The following GRIA1 variants were observed in gnomAD, a reference collection of about 807,000 sequenced individuals.
GRIA1 encodes the protein glutamate receptor 1.
In GRIA1, 31 loss-of-function variants were observed where a neutral mutation model predicts 99.2. The ratio of observed to expected loss-of-function variants is 0.31; its 90% confidence interval spans 0.23 to 0.42. The LOEUF is 0.42. Ranked by LOEUF, GRIA1 falls within the 10% of genes least tolerant of loss-of-function variation. The pLI, the probability that GRIA1 is intolerant of heterozygous loss-of-function variation, is 1.00. For synonymous variants in GRIA1, 438 were observed against 432.4 expected, an observed-to-expected ratio of 1.01 and a Z score of -0.16; for missense variants, 782 against 1,157.5, an observed-to-expected ratio of 0.68 and a Z score of 4.71.
intron 13 of GRIA1, among the ~76,000 whole-genome samples, chr5:153,770,779 G>A (rs570870979): frequency 1.9e-4 from 29 of 152,302 alleles, no homozygotes; most frequent in African/African-American, 7.0e-4. Flanking sequence ...GAGTTCTCCA[G>A]CAACCTGAAT....
chr5:153,770,067 T>C (rs1763770555), intron 12 of GRIA1, 101 bp from the exon 13 acceptor site: 3 of 1,187,142 alleles, frequency 2.5e-6, no homozygotes, highest in African/African-American at 1.5e-5. Context: ...CTAATCTCGC[T>C]CATGAATGTG....
At chr5:153,753,740 A>T (rs1291716722) in intron 11 of GRIA1, among the ~76,000 whole-genome samples, 5 of 150,960 alleles carry the variant, frequency 3.3e-5, no homozygotes, top group Non-Finnish European at 7.4e-5. Flanking sequence ...GGGGTTTGGG[A>T]AAAGCCATGC....
chr5:153,629,854 T>C (rs1001167239), intron 2 of GRIA1, among the ~76,000 whole-genome samples: 7 of 152,228 alleles, frequency 4.6e-5, no homozygotes, highest in African/African-American at 7.2e-5. Context: ...TTTCATCGCA[T>C]TGGAATGACC....
chr5:153,598,019 A>G (rs1764574071), intron 2 of GRIA1, among the ~76,000 whole-genome samples: 1 of 152,172 alleles, frequency 6.6e-6, no homozygotes, highest in African/African-American at 2.4e-5. Context: ...CTCAAAAAGA[A>G]GAAGATCACA....
At position 153,779,970 on chromosome 5, in the gene GRIA1, G is replaced by A. The variant is rs578055187; in HGVS notation, c.2270+9555G>A. Among the ~76,000 whole-genome samples the A allele has an allele frequency of 9.8e-4, 149 of 152,164 alleles. 1 individual carries two copies. The highest frequency in any genetic ancestry group is 3.4e-4 in the Non-Finnish European group (23 of 68,044). On this transcript the variant is annotated intron_variant, in intron 13 of 15. Transcript: ENST00000285900. ...AGCGAGGTGGCAGGGATGTATCTGG[G>A]AAGATAAATAAGGGAAATGAATGGC...
At chr5:153,795,819 G>A (rs572825802) in intron 14 of GRIA1, among the ~76,000 whole-genome samples, 36 of 152,090 alleles carry the variant, frequency 2.4e-4, no homozygotes, top group African/African-American at 8.4e-4. Context: ...ATTATCCACT[G>A]TGTTCTGAAA....
intron 7 of GRIA1, among the ~76,000 whole-genome samples, chr5:153,679,086 C>A (rs568318178): frequency 1.3e-5 from 2 of 152,196 alleles, no homozygotes; most frequent in Admixed American, 6.5e-5. Flanking sequence ...GTCAAAAGAA[C>A]AATGACCTCT....
chr5:153,547,485 C>T (rs13163026), intron 2 of GRIA1, among the ~76,000 whole-genome samples: 1 of 152,192 alleles, frequency 6.6e-6, no homozygotes, highest in Non-Finnish European at 1.5e-5. Flanking sequence ...AATCAACAAC[C>T]TTCTACCCTT....
chr5:153,800,415 T>C lies in GRIA1; in HGVS notation c.2386-1941T>C, dbSNP rs555986323. Among the ~76,000 whole-genome samples, 320 of 152,266 alleles carry C rather than the reference T, an allele frequency of 2.1e-3. 3 individuals are homozygous for C. The highest frequency in any genetic ancestry group is 4.1e-3 in the Non-Finnish European group (278 of 68,006). ...TGAGTGTTCTAAAAATCATGTGAAG[T>C]GGGAATTTACCTGTTCAGCCAACTC... On this transcript the variant is annotated intron_variant, in intron 14 of 15. Transcript: ENST00000285900.
chr5:153,739,224 G>A (rs1026497699), intron 11 of GRIA1, among the ~76,000 whole-genome samples: 1 of 151,970 alleles, frequency 6.6e-6, no homozygotes, highest in Non-Finnish European at 1.5e-5. Context: ...GGATCTCATT[G>A]TATCACCTCT....
chr5:153,618,787 A>C (rs904552212), intron 2 of GRIA1, among the ~76,000 whole-genome samples: 59 of 152,242 alleles, frequency 3.9e-4, no homozygotes, highest in African/African-American at 1.4e-3. Flanking sequence ...TACAGTGCCT[A>C]GGTCTGCAAG....
chr5:153,490,578 G>A, upstream of GRIA1: 1 of 452,680 alleles, frequency 2.2e-6, no homozygotes, highest in Non-Finnish European at 4.0e-6. Context: ...GAGCAAGGGA[G>A]GGAGAGAGAG....
intron 10 of GRIA1, among the ~76,000 whole-genome samples, chr5:153,699,904 G>C (rs1478528047): frequency 1.3e-5 from 2 of 152,136 alleles, no homozygotes; most frequent in Non-Finnish European, 2.9e-5. Flanking sequence ...TTGATCTTTT[G>C]CTTAATACTT....
At chr5:153,786,826 G>A (rs1179253102) in intron 13 of GRIA1, among the ~76,000 whole-genome samples, 2 of 152,198 alleles carry the variant, frequency 1.3e-5, no homozygotes, top group African/African-American at 4.8e-5. Flanking sequence ...ACAGCAAGAA[G>A]CAAGCACACA....
At chr5:153,746,795 T>A (rs1762190935) in intron 11 of GRIA1, among the ~76,000 whole-genome samples, 1 of 152,140 alleles carries the variant, frequency 6.6e-6, no homozygotes, top group African/African-American at 2.4e-5. Flanking sequence ...TGGGAGGAAG[T>A]CCCATTTATA....
chr5:153,569,521 G>A (rs1761928725), intron 2 of GRIA1, among the ~76,000 whole-genome samples: 1 of 152,236 alleles, frequency 6.6e-6, no homozygotes, highest in South Asian at 2.1e-4. Flanking sequence ...GCAGCTGTAT[G>A]GGGCAAAAAG....
chr5:153,537,451 G>A lies in GRIA1; in HGVS notation c.220+43386G>A, dbSNP rs868016012. ...GCTCTCCCTCTCTCTCCCCACCTCC[G>A]CAGCCTCCCAGTCAAGCTATTGTGC... On this transcript the variant is annotated intron_variant, in intron 2 of 15. Transcript: ENST00000285900. Among the ~76,000 whole-genome samples the A allele has an allele frequency of 5.3e-5, 8 of 152,144 alleles. 1 individual carries two copies. The highest frequency in any genetic ancestry group is 3.4e-3 in the Middle Eastern group (1 of 294).
At chr5:153,700,085 T>C (rs996108357) in intron 10 of GRIA1, among the ~76,000 whole-genome samples, 1 of 152,106 alleles carries the variant, frequency 6.6e-6, no homozygotes, top group African/African-American at 2.4e-5. Context: ...AAAATGACCA[T>C]ATTTAAACAG....
At position 153,596,921 on chromosome 5, in the gene GRIA1, C is replaced by T. The variant is rs1764484953; in HGVS notation, c.221-50007C>T. On this transcript the variant is annotated intron_variant, in intron 2 of 15. Transcript: ENST00000285900. ...GCCGGTGCTAGTGCCACTCAGCTGT[C>T]ATACAGGCTGATGGGTCAGGCAAGA... Among the ~76,000 whole-genome samples, 3 of 152,198 alleles carry T rather than the reference C, an allele frequency of 2.0e-5. No individual in the cohort carries two copies. In the South Asian group the frequency reaches 6.2e-4, roughly 31 times the overall value.
Sources: allele counts gnomAD v4.1 joint callset (sites outside exome capture counted in the v4.1 genomes callset), GRCh38; gene constraint gnomAD v4.1.1; transcripts MANE v1.5; gene names NCBI Gene and HGNC (gene_info 2026-07-23, HGNC 2026-07-21).